Variants in HEMK2 observed in about 807,000 individuals in gnomAD.
HEMK2 encodes the protein HemK methyltransferase 2, ETF1 glutamine and histone H4 lysine, also known as methyltransferase HEMK2.
the HEMK2 span, among the ~76,000 whole-genome samples, chr21:28,623,485 T>C: frequency 6.6e-6 from 1 of 152,176 alleles, no homozygotes; most frequent in Non-Finnish European, 1.5e-5. Flanking sequence ...CATTACTGGG[T>C]GTATACCCAA....
the HEMK2 span, among the ~76,000 whole-genome samples, chr21:28,724,943 G>C: frequency 6.6e-6 from 1 of 152,080 alleles, no homozygotes; most frequent in African/African-American, 2.4e-5. Context: ...CACCATGCCG[G>C]CTAATTTTTT....
chr21:28,841,632 A>T, the HEMK2 span, among the ~76,000 whole-genome samples: 1 of 149,172 alleles, frequency 6.7e-6, no homozygotes, highest in African/African-American at 2.5e-5. Flanking sequence ...ACACAAAGGC[A>T]TAAGAATTAT....
the HEMK2 span, among the ~76,000 whole-genome samples, chr21:28,852,720 T>A: frequency 1.3e-5 from 2 of 152,220 alleles, no homozygotes; most frequent in South Asian, 4.1e-4. Context: ...GGGCCATGAT[T>A]CCCTGTATTT....
At chr21:28,848,057 T>C in the HEMK2 span, among the ~76,000 whole-genome samples, 2 of 152,242 alleles carry the variant, frequency 1.3e-5, no homozygotes, top group South Asian at 4.1e-4. Context: ...GGTAGTGTGA[T>C]GCCTCCAGCT....
At chr21:28,742,825 A>G in the HEMK2 span, among the ~76,000 whole-genome samples, 1 of 152,074 alleles carries the variant, frequency 6.6e-6, no homozygotes, top group African/African-American at 2.4e-5. Flanking sequence ...ACACATATCT[A>G]TTTATTGAGG....
the HEMK2 span, among the ~76,000 whole-genome samples, chr21:28,738,841 C>T: frequency 6.6e-6 from 1 of 152,218 alleles, no homozygotes; most frequent in South Asian, 2.1e-4. Context: ...TCAGCACATG[C>T]ACTTCTGGGG....
chr21:28,744,050 A>G, the HEMK2 span, among the ~76,000 whole-genome samples: 1 of 152,058 alleles, frequency 6.6e-6, no homozygotes, highest in African/African-American at 2.4e-5. Flanking sequence ...ATTCATGGAC[A>G]GAAAGAGGGA....
chr21:28,764,721 G>A, the HEMK2 span, among the ~76,000 whole-genome samples: 1 of 152,100 alleles, frequency 6.6e-6, no homozygotes, highest in Non-Finnish European at 1.5e-5. Context: ...GGCTGCAGCT[G>A]TCAGGAAAGA....
the HEMK2 span, among the ~76,000 whole-genome samples, chr21:28,681,587 T>C: frequency 6.6e-6 from 1 of 152,124 alleles, no homozygotes; most frequent in Non-Finnish European, 1.5e-5. Flanking sequence ...AAGCCTGCAT[T>C]GCTAAGTCAA....
the HEMK2 span, among the ~76,000 whole-genome samples, chr21:28,838,972 A>AAAAAAAAAATATATATATATAT: frequency 3.4e-5 from 1 of 29,154 alleles, no homozygotes; most frequent in Non-Finnish European, 5.6e-5. Flanking sequence ...AAAAAAAAAA[A>AAAAAAAAAATATATATATATAT]ATATATATAT....
the HEMK2 span, chr21:28,882,328 C>T: frequency 5.6e-6 from 6 of 1,078,922 alleles, no homozygotes; most frequent in East Asian, 7.4e-5. Context: ...AAGGTATGTT[C>T]CATTAATTCT....
chr21:28,698,989 A>G, the HEMK2 span, among the ~76,000 whole-genome samples: 4 of 152,236 alleles, frequency 2.6e-5, no homozygotes, highest in Admixed American at 1.3e-4. Context: ...TCTTTATAAG[A>G]TCAACCAAAA....
At chr21:28,715,467 C>T in the HEMK2 span, among the ~76,000 whole-genome samples, 1 of 152,088 alleles carries the variant, frequency 6.6e-6, no homozygotes, top group Non-Finnish European at 1.5e-5. Flanking sequence ...TGTTTATGTC[C>T]TTTGCCCACT....
the HEMK2 span, among the ~76,000 whole-genome samples, chr21:28,610,813 G>A: frequency 5.3e-4 from 80 of 152,194 alleles, no homozygotes; most frequent in African/African-American, 1.6e-3. Context: ...GAGACATTAC[G>A]TAATGATAAA....
chr21:28,808,134 C>G, the HEMK2 span, among the ~76,000 whole-genome samples: 1 of 152,068 alleles, frequency 6.6e-6, no homozygotes, highest in Non-Finnish European at 1.5e-5. Flanking sequence ...TGGGCCCCAA[C>G]AAAAGGGCAG....
the HEMK2 span, among the ~76,000 whole-genome samples, chr21:28,847,157 T>C: frequency 9.9e-5 from 15 of 152,116 alleles, no homozygotes; most frequent in African/African-American, 3.4e-4. Flanking sequence ...TAACCAGGAA[T>C]GGGATTGGTA....
At chr21:28,640,874 T>C in the HEMK2 span, among the ~76,000 whole-genome samples, 2 of 152,218 alleles carry the variant, frequency 1.3e-5, no homozygotes, top group Non-Finnish European at 2.9e-5. Flanking sequence ...CTGCAGGAGA[T>C]CATGGCTGCT....
chr21:28,613,018 T>C, the HEMK2 span, among the ~76,000 whole-genome samples: 1 of 152,024 alleles, frequency 6.6e-6, no homozygotes, highest in Non-Finnish European at 1.5e-5. Flanking sequence ...CCAAAAGCAA[T>C]CTACAAATTT....
chr21:28,672,998 AAG>A, the HEMK2 span, among the ~76,000 whole-genome samples: 10 of 122,460 alleles, frequency 8.2e-5, no homozygotes, highest in East Asian at 3.8e-4. Flanking sequence ...AAGAAAAAGA[AAG>A]AGAAAGAAAG....
Sources: gnomAD v4.1 joint callset for allele counts (sites outside exome capture counted in the v4.1 genomes callset) on GRCh38, gnomAD v4.1.1 for gene constraint, MANE v1.5 for transcripts, NCBI Gene and HGNC (gene_info 2026-07-23, HGNC 2026-07-21) for gene names.